Variants in ABI2 observed in about 807,000 individuals in gnomAD.
ABI2 encodes abelson interactor 2.
In ABI2, 25 loss-of-function variants were observed where a neutral mutation model predicts 59.2. The observed-to-expected ratio is 0.42, with a 90% CI of 0.31 to 0.59. The LOEUF (loss-of-function observed/expected upper bound fraction) is 0.59, where lower values mean the gene tolerates loss of function less well. ABI2 is among the 20% of genes least tolerant of loss of function. ABI2 has a pLI of 0.14. For missense variants in ABI2, 545 were observed against 681.8 expected (o/e 0.80, Z 2.23); for synonymous variants, 213 against 235.5 (o/e 0.90, Z 0.87).
intron 11 of ABI2, among the ~76,000 whole-genome samples, chr2:203,424,102 G>GA (rs1365512890): frequency 1.3e-5 from 2 of 152,086 alleles, no homozygotes; most frequent in Admixed American, 1.3e-4. Flanking sequence ...TGCATAATTG[G>GA]AAAAAGTGAC....
At chr2:203,394,385 A>T (rs1334372500) in intron 5 of ABI2, 2 of 153,226 alleles carry the variant, frequency 1.3e-5, no homozygotes, top group African/African-American at 4.6e-5. Context: ...AAGAATTCCA[A>T]CTCTTCTAAG....
At chr2:203,406,945 T>G (rs1014055349) in intron 9 of ABI2, among the ~76,000 whole-genome samples, 5 of 152,150 alleles carry the variant, frequency 3.3e-5, no homozygotes, top group Admixed American at 6.5e-5. Context: ...CAAATTCTAC[T>G]TTTCTCCACG....
In ABI2 at chr2:203,427,199, A is replaced by G. The variant is rs748547453; in HGVS notation, c.1476A>G (p.Thr492=). 7 of 1,614,042 alleles carry G rather than the reference A, an allele frequency of 4.3e-6. No homozygotes were observed. Among genetic ancestry groups the G allele is most frequent in the Non-Finnish European group, 5.9e-6 (7 of 1,179,966 alleles). Residue 492 remains threonine (T), a synonymous_variant, in exon 12 of 12, where the codon ACA becomes ACG. Coordinates refer to ENST00000261018, the MANE Select transcript of ABI2 (RefSeq NM_001375670.1). ...TAGTTGTGGCAATTTATGACTATAC[A>G]AAAGACAAGGAAGATGAGCTGTCCT... ...LEKVVAIYDY[T]KDKEDELSFQ...
At chr2:203,342,923 T>C (rs561890511) in intron 1 of ABI2, among the ~76,000 whole-genome samples, 1 of 152,362 alleles carries the variant, frequency 6.6e-6, no homozygotes, top group South Asian at 2.1e-4. Flanking sequence ...AGTTTTTTAA[T>C]CATTCATGCA....
intron 7 of ABI2, 38 bp downstream of exon 7, chr2:203,395,818 T>C: frequency 3.9e-6 from 6 of 1,519,766 alleles, no homozygotes; most frequent in Non-Finnish European, 5.3e-6. Flanking sequence ...ACTTTTCCTT[T>C]CTGAATTTGA....
chr2:203,350,509 G>A (rs7355645), intron 1 of ABI2, among the ~76,000 whole-genome samples: 1 of 151,136 alleles, frequency 6.6e-6, no homozygotes, highest in East Asian at 2.0e-4. Flanking sequence ...ACTACCACAT[G>A]TGGTTACTAT....
intron 11 of ABI2, among the ~76,000 whole-genome samples, chr2:203,423,125 C>T (rs545895317): frequency 3.9e-4 from 59 of 152,286 alleles, no homozygotes; most frequent in African/African-American, 1.4e-3. Flanking sequence ...TAGTTCAGAT[C>T]AGTCACTTCT....
chr2:203,368,499 A>G (rs2094718275), intron 2 of ABI2, among the ~76,000 whole-genome samples: 1 of 152,144 alleles, frequency 6.6e-6, no homozygotes. Flanking sequence ...TTGAGAGTCT[A>G]AAGTTTAGCA....
intron 1 of ABI2, among the ~76,000 whole-genome samples, chr2:203,340,418 G>A: frequency 6.6e-6 from 1 of 151,814 alleles, no homozygotes; most frequent in East Asian, 1.9e-4. Flanking sequence ...CCAGGCTGGA[G>A]TACAGTGGCA....
At chr2:203,372,865 G>A (rs185310405) in intron 2 of ABI2, among the ~76,000 whole-genome samples, 2,395 of 152,176 alleles carry the variant, frequency 0.016, 69 homozygotes, top group African/African-American at 0.056. Context: ...ATCCCAGACG[G>A]GGCGGCGGGG....
chr2:203,349,891 C>G (rs972037027), intron 1 of ABI2, among the ~76,000 whole-genome samples: 1 of 151,978 alleles, frequency 6.6e-6, no homozygotes, highest in Non-Finnish European at 1.5e-5. Context: ...CATATGTGCT[C>G]GTTTCTTTGG....
chr2:203,414,101 C>CT (rs539839995), intron 10 of ABI2, among the ~76,000 whole-genome samples: 4,010 of 126,660 alleles, frequency 0.032, 218 homozygotes, highest in African/African-American at 0.097. Flanking sequence ...CTTGCATTGT[C>CT]TTTTTTTTTT....
intron 1 of ABI2, among the ~76,000 whole-genome samples, chr2:203,343,813 C>T (rs2081508827): frequency 6.6e-6 from 1 of 152,174 alleles, no homozygotes; most frequent in Non-Finnish European, 1.5e-5. Context: ...CCAAAAGTAA[C>T]AGTTTTTGTC....
intron 11 of ABI2, among the ~76,000 whole-genome samples, chr2:203,425,646 T>C (rs1463118902): frequency 1.3e-5 from 2 of 152,256 alleles, no homozygotes; most frequent in African/African-American, 2.4e-5. Flanking sequence ...TTGTATGCCA[T>C]TTAACTACAT....
chr2:203,391,233 G>A (rs1461545739), intron 5 of ABI2, 90 bp downstream of exon 5: 3 of 901,518 alleles, frequency 3.3e-6, no homozygotes, highest in Non-Finnish European at 4.8e-6. Flanking sequence ...TTGAATATTT[G>A]AAGAGAGAAC....
At chr2:203,338,983 A>AATATATATATATAT (rs1212962939) in intron 1 of ABI2, among the ~76,000 whole-genome samples, 13 of 12,318 alleles carry the variant, frequency 1.1e-3, no homozygotes, top group Admixed American at 5.5e-3. Flanking sequence ...TATATATATA[A>AATATATATATATAT]ATATATATAT....
intron 1 of ABI2, among the ~76,000 whole-genome samples, chr2:203,344,995 C>T (rs938585795): frequency 2.6e-5 from 4 of 152,160 alleles, no homozygotes; most frequent in African/African-American, 9.7e-5. Context: ...ATCAGTAGGA[C>T]GTGGGCATCA....
At chr2:203,407,433 C>CA (rs888964153) in intron 9 of ABI2, among the ~76,000 whole-genome samples, 6 of 152,250 alleles carry the variant, frequency 3.9e-5, no homozygotes, top group African/African-American at 1.4e-4. Flanking sequence ...CTAATATTCT[C>CA]AGAGTATTTA....
chr2:203,342,179 C>T (rs1038125464), intron 1 of ABI2: 1 of 453,250 alleles, frequency 2.2e-6, no homozygotes, highest in Non-Finnish European at 4.4e-6. Context: ...TTTTTCCTTC[C>T]TGGTCGTTCA....
Sources: allele counts gnomAD v4.1 joint callset (sites outside exome capture counted in the v4.1 genomes callset), GRCh38; gene constraint gnomAD v4.1.1; transcripts MANE v1.5; gene names NCBI Gene and HGNC (gene_info 2026-07-23, HGNC 2026-07-21).